Variants in ZNF808 observed in about 807,000 individuals in gnomAD.
The protein encoded by ZNF808 is zinc finger protein 808.
ZNF808 carries 5 observed loss-of-function variants against 8.7 expected under a neutral mutation model. That is an observed-to-expected ratio of 0.58 (90% CI 0.30 to 1.21). The LOEUF is 1.21. ZNF808 is among the 50% of genes most tolerant of loss of function. ZNF808 has a pLI of 0.07. For synonymous variants in ZNF808, 380 were observed against 366.0 expected (o/e 1.04, Z -0.44); for missense variants, 1,103 against 1,098.4 (o/e 1.00, Z -0.06).
intron 3 of ZNF808, among the ~76,000 whole-genome samples, chr19:52,561,621 C>T (rs2059858604): frequency 1.3e-5 from 2 of 151,500 alleles, no homozygotes; most frequent in South Asian, 4.2e-4. Context: ...AATCTCGGCT[C>T]ACCGCAACCT....
Position 52,554,298 on chromosome 19 carries a change from A to T in ZNF808, c.1382A>T (p.Asp461Val). The T allele has an allele frequency of 6.2e-7, 1 of 1,614,162 alleles. No homozygotes were observed. Among genetic ancestry groups the T allele is most frequent in the East Asian group, 2.2e-5 (1 of 44,872 alleles). ...AAACCATACAAATGTAAGGTTTGTG[A>T]TACAGCTTTCACGTGTAATTCACAG... ...GEKPYKCKVC[D>V]TAFTCNSQLA... is the part of the protein sequence containing the mutation. Residue 461 changes from aspartate (D) to valine (V), a missense_variant, in exon 5 of 5, where the codon GAT becomes GTT. By Grantham distance (152) the Asp-to-Val change is radical (BLOSUM62 -3). Transcript: ENST00000359798.
intron 3 of ZNF808, among the ~76,000 whole-genome samples, chr19:52,561,603 A>G (rs933964274): frequency 1.3e-5 from 2 of 150,340 alleles, no homozygotes; most frequent in East Asian, 2.0e-4. Flanking sequence ...GCTGGAGTGC[A>G]ATGGCGCAAT....
rs762469928 is a variant in ZNF808, at chr19:52,553,891, T to G, written c.975T>G (p.Arg325=). ...GTAATGAGTGTGGCAAGGTCTTTCG[T>G]CAAAATTCAGCCCTTGTAATTCATA... ...YKCNECGKVF[R]QNSALVIHKA... Residue 325 remains arginine, a synonymous_variant, in exon 5 of 5, where the codon CGT becomes CGG. Coordinates refer to ENST00000359798, the MANE Select transcript of ZNF808 (RefSeq NM_001039886.4). The G allele has an allele frequency of 6.2e-7, 1 of 1,614,052 alleles. No homozygotes were observed. Among genetic ancestry groups the G allele is most frequent in the South Asian group, 1.1e-5 (1 of 91,068 alleles).
downstream of ZNF808, among the ~76,000 whole-genome samples, chr19:52,560,058 G>A (rs917924202): frequency 6.6e-6 from 1 of 152,016 alleles, no homozygotes; most frequent in Non-Finnish European, 1.5e-5. Context: ...AGGATTGGCC[G>A]GGTGAGGTGG....
rs372401188 is a variant in ZNF808 at position 52,553,882 on chromosome 19, G to C, written c.966G>C (p.Lys322Asn). Residue 322 changes from lysine to asparagine, a missense_variant, in exon 5 of 5, where the codon AAG (lysine) becomes AAC (asparagine). Lys to Asn is a moderately conservative substitution (Grantham distance 94, BLOSUM62 0). Transcript: ENST00000359798. ...CTTACAAGTGTAATGAGTGTGGCAAGGTCTTTCGTCAAAATTCAGCCCTTG... is the reference window on the plus strand; with the variant it reads ...CTTACAAGTGTAATGAGTGTGGCAACGTCTTTCGTCAAAATTCAGCCCTTG... ...VKPYKCNECG[K>N]VFRQNSALVI... 1.2e-5 allele frequency: 19 copies of C among 1,613,938 alleles called. No individual in the cohort carries two copies. In the African/African-American group the frequency reaches 2.4e-4, roughly 20 times the overall value.
intron 2 of ZNF808, among the ~76,000 whole-genome samples, chr19:52,536,235 C>G (rs2059609677): frequency 6.6e-6 from 1 of 152,184 alleles, no homozygotes; most frequent in African/African-American, 2.4e-5. Flanking sequence ...GGAGGCTGGT[C>G]CCAACCCCGG....
downstream of ZNF808, among the ~76,000 whole-genome samples, chr19:52,561,196 CTCTCTCTCTCTCTCTCTATATATATA>C (rs1198993620): frequency 9.0e-3 from 545 of 60,730 alleles, 6 homozygotes; most frequent in African/African-American, 0.027. Flanking sequence ...CTCTCTCTCT[CTCTCTCTCTCTCTCTCTATATATATA>C]TATATATATA....
intron 2 of ZNF808, among the ~76,000 whole-genome samples, chr19:52,538,457 G>T (rs1428662115): frequency 2.0e-5 from 3 of 150,488 alleles, no homozygotes; most frequent in Admixed American, 1.3e-4. Context: ...ATTCTCCTGC[G>T]ATACTACCCC....
At chr19:52,567,421 TTTTTTC>T (rs2059875478), downstream of ZNF808, among the ~76,000 whole-genome samples, 2 of 150,082 alleles carry the variant, frequency 1.3e-5, 1 homozygote, top group African/African-American at 4.9e-5. Flanking sequence ...GTTTTCTTTT[TTTTTTC>T]TTTTTTTTTT....
rs958038463 is a variant in ZNF808, at chr19:52,555,714, G to C, written c.*86G>C. On this transcript the variant is annotated 3_prime_UTR_variant, in exon 5 of 5. Coordinates refer to ENST00000359798, the MANE Select transcript of ZNF808 (RefSeq NM_001039886.4). Reference sequence around the variant, plus strand: ...CATGATGAAGAGAAATCTTCTGAGTGTAATAAATGTGGCATGTTTTTCAGA... The same window carrying C: ...CATGATGAAGAGAAATCTTCTGAGTCTAATAAATGTGGCATGTTTTTCAGA... 7.9e-6 allele frequency: 12 copies of C among 1,528,366 alleles called. No homozygotes were observed. The African/African-American group carries it at 1.6e-4, about 21-fold the overall frequency. The allele number at this position is 1,528,366 out of a possible 1,614,324, so 94.7% of individuals were successfully genotyped here. A position where few individuals can be genotyped will look rare whatever the true frequency, so the allele number is the denominator to read the frequency against.
Position 52,555,381 on chromosome 19 carries a change from A to G in ZNF808, c.2465A>G (p.Asn822Ser), listed in dbSNP as rs761975874. The change falls in exon 5 of 5, where the codon AAT (asparagine) becomes AGT (serine). Residue 822 changes from asparagine to serine, a missense_variant. Coordinates refer to ENST00000359798, the MANE Select transcript of ZNF808 (RefSeq NM_001039886.4). ...IHTAEKPYKC[N>S]ECGKAFNEQS... is the part of the protein sequence containing the mutation. ...ACTGCAGAGAAACCTTACAAGTGTA[A>G]TGAATGTGGAAAGGCTTTTAATGAA... The G allele has an allele frequency of 6.2e-7, 1 of 1,614,156 alleles. No individual in the cohort carries two copies. Among genetic ancestry groups the G allele is most frequent in the Non-Finnish European group, 8.5e-7 (1 of 1,180,008 alleles).
At chr19:52,565,393 C>CA (rs1037739322), downstream of ZNF808, among the ~76,000 whole-genome samples, 31 of 152,182 alleles carry the variant, frequency 2.0e-4, no homozygotes, top group Non-Finnish European at 4.3e-4. Context: ...CTGTGTTAGA[C>CA]AAACCTGCCT....
rs745652454 is a variant in ZNF808, at chr19:52,531,431, C to T, written c.-121-1477C>T. Among the ~76,000 whole-genome samples, 68 of 151,874 alleles carry T rather than the reference C, an allele frequency of 4.5e-4. 1 individual carries two copies. Among genetic ancestry groups the T allele is most frequent in the Non-Finnish European group, 8.4e-4 (57 of 67,982 alleles). On this transcript the variant is annotated intron_variant, in intron 1 of 4. Coordinates refer to ENST00000359798, the MANE Select transcript of ZNF808 (RefSeq NM_001039886.4). ...CAAAGGTTGTGGTGAGCCAAGATCG[C>T]GCCATTGCACTCCAGCCTGGGCAGC...
rs189420387 is a variant in ZNF808, at chr19:52,531,280, C to T, written c.-121-1628C>T. ...CCTGAGGTCAGGGGTTCGAGACCAG[C>T]CTGACCAATATAGAGAAACCCGGTC... On this transcript the variant is annotated intron_variant, in intron 1 of 4. Coordinates refer to ENST00000359798, the MANE Select transcript of ZNF808 (RefSeq NM_001039886.4). 3.7e-4 allele frequency among the ~76,000 whole-genome samples: 57 copies of T among 152,200 alleles called. 1 individual carries two copies. The highest frequency in any genetic ancestry group is 6.2e-4 in the South Asian group (3 of 4,824).
Position 52,554,729 on chromosome 19 carries a change from G to A in ZNF808, c.1813G>A (p.Gly605Ser). ...YKCEACDKVF[G>S]QKSALESHKR... ...ATGTGAAGCATGTGACAAAGTTTTT[G>A]GTCAGAAATCAGCTCTTGAGTCACA... The change falls in exon 5 of 5, where the codon GGT (glycine) becomes AGT (serine). Residue 605 changes from glycine to serine, a missense_variant. Gly to Ser is a moderately conservative substitution (Grantham distance 56). Coordinates refer to ENST00000359798, the MANE Select transcript of ZNF808 (RefSeq NM_001039886.4). The A allele has an allele frequency of 6.2e-7, 1 of 1,613,016 alleles. No homozygotes were observed. Among genetic ancestry groups the A allele is most frequent in the Non-Finnish European group, 8.5e-7 (1 of 1,179,558 alleles).
In ZNF808 at chr19:52,554,113, C is replaced by T. The variant is rs760250246; in HGVS notation, c.1197C>T (p.Tyr399=). The part of the protein sequence containing the change: ...HTRIHSGEKT[Y]KCNECGKAFN... ...GAATTCATAGTGGAGAGAAAACATACAAGTGTAATGAGTGTGGTAAGGCTT... is the reference window on the plus strand; with the variant it reads ...GAATTCATAGTGGAGAGAAAACATATAAGTGTAATGAGTGTGGTAAGGCTT... The change falls in exon 5 of 5, where the codon TAC becomes TAT. Residue 399 remains tyrosine (Y), a synonymous_variant. Transcript: ENST00000359798. 3 of 1,614,034 alleles carry T rather than the reference C, an allele frequency of 1.9e-6. No homozygotes were observed. Among genetic ancestry groups the T allele is most frequent in the Non-Finnish European group, 1.7e-6 (2 of 1,180,034 alleles).
At chr19:52,561,942 T>C (rs755150656) in intron 3 of ZNF808, among the ~76,000 whole-genome samples, 21 of 152,190 alleles carry the variant, frequency 1.4e-4, no homozygotes, top group Non-Finnish European at 1.2e-4. Flanking sequence ...TGTAATAAGA[T>C]ATGTCAGCCT....
Position 52,556,106 on chromosome 19 carries a change from C to T in ZNF808, c.*478C>T. The stretch of plus-strand genomic sequence containing the variant: ...GACATTGGAGTCAATTCAGCATTGA[C>T]TTGAGTTTGTGTTGACTTAACATTG... On this transcript the variant is annotated 3_prime_UTR_variant, in exon 5 of 5. Coordinates refer to ENST00000359798, the MANE Select transcript of ZNF808 (RefSeq NM_001039886.4). 2.5e-6 allele frequency: 1 copy of T among 408,068 alleles called. No individual in the cohort carries two copies. The highest frequency in any genetic ancestry group is 4.9e-6 in the Non-Finnish European group (1 of 202,622). 25.3% of individuals were successfully genotyped at this position (408,068 alleles called of 1,614,324 possible).
intron 4 of ZNF808, among the ~76,000 whole-genome samples, chr19:52,548,650 C>T (rs1244916375): frequency 1.3e-5 from 2 of 152,134 alleles, no homozygotes; most frequent in African/African-American, 4.8e-5. Flanking sequence ...GTTTTGATAG[C>T]CTGGCCTGAT....
Sources: allele counts gnomAD v4.1 joint callset (sites outside exome capture counted in the v4.1 genomes callset), GRCh38; gene constraint gnomAD v4.1.1; transcripts MANE v1.5; gene names NCBI Gene and HGNC (gene_info 2026-07-23, HGNC 2026-07-21).